Variants in NINJ1 observed in about 807,000 individuals in gnomAD.
The protein encoded by NINJ1 is ninjurin 1.
In NINJ1, 6 loss-of-function variants were observed where a neutral mutation model predicts 12.7. The observed-to-expected ratio is 0.47, with a 90% CI of 0.26 to 0.93. The LOEUF is 0.93. Ranked by LOEUF, NINJ1 falls within the 40% of genes least tolerant of loss-of-function variation. NINJ1 has a pLI of 0.15. For missense variants in NINJ1, 170 were observed against 213.0 expected (o/e 0.80, Z 1.26); for synonymous variants, 100 against 96.0 (o/e 1.04, Z -0.25).
intron 1 of NINJ1, among the ~76,000 whole-genome samples, chr9:93,128,384 T>C (rs1587665311): frequency 1.3e-5 from 2 of 152,290 alleles, no homozygotes; most frequent in Admixed American, 6.5e-5. Context: ...GATTGCAGCT[T>C]GGAGGAGGTT....
At chr9:93,130,973 T>C (rs1238719959) in intron 1 of NINJ1, among the ~76,000 whole-genome samples, 2 of 152,178 alleles carry the variant, frequency 1.3e-5, no homozygotes, top group Non-Finnish European at 2.9e-5. Flanking sequence ...TCAGCAGGCA[T>C]TGGCAGATGG....
Position 93,123,767 on chromosome 9 carries a change from C to T in NINJ1, c.*9+1132G>A, listed in dbSNP as rs558174464. Among the ~76,000 whole-genome samples, 43 of 152,298 alleles carry T rather than the reference C, an allele frequency of 2.8e-4. 1 individual carries two copies. The highest frequency in any genetic ancestry group is 1.1e-3 in the Admixed American group (17 of 15,306). On this transcript the variant is annotated intron_variant, in intron 3 of 3. Transcript: ENST00000375446. ...GAGGGGTGACCCCTAGGCCTAAGGT[C>T]GCGGGGACTGTGGTGTGTGGCCCTG...
intron 1 of NINJ1, 35 bp downstream of exon 1, chr9:93,134,108 G>T: frequency 6.6e-7 from 1 of 1,506,498 alleles, no homozygotes; most frequent in Non-Finnish European, 9.0e-7. Context: ...GACAGGGCCT[G>T]GCAAGATCAT....
At chr9:93,130,744 T>C (rs1827881894) in intron 1 of NINJ1, among the ~76,000 whole-genome samples, 1 of 152,160 alleles carries the variant, frequency 6.6e-6, no homozygotes, top group South Asian at 2.1e-4. Flanking sequence ...TGAAAGACTC[T>C]GCCTCCCCGA....
rs751829505 is a variant in NINJ1, at chr9:93,126,649, G to A, written c.76-11C>T. 4 of 1,587,566 alleles carry A rather than the reference G, an allele frequency of 2.5e-6. No homozygotes were observed. Among genetic ancestry groups the A allele is most frequent in the East Asian group, 4.5e-5 (2 of 44,342 alleles). ...GCCCCAGCGGGCCGGCTGCAGGGAGGGGAATGGTCAGCAAGGCGGGTGGGG... is the reference window on the plus strand; with the variant it reads ...GCCCCAGCGGGCCGGCTGCAGGGAGAGGAATGGTCAGCAAGGCGGGTGGGG... On this transcript the variant is annotated splice_polypyrimidine_tract_variant and intron_variant, in intron 1 of 3. Coordinates refer to ENST00000375446, the MANE Select transcript of NINJ1 (RefSeq NM_004148.4).
chr9:93,129,260 A>G (rs1212143367), intron 1 of NINJ1, among the ~76,000 whole-genome samples: 1 of 152,220 alleles, frequency 6.6e-6, no homozygotes, highest in East Asian at 1.9e-4. Context: ...AAGCTCTGGT[A>G]GCTGATGCCA....
chr9:93,126,238 G>A (rs571221490), intron 2 of NINJ1, 172 bp downstream of exon 2: 12 of 576,240 alleles, frequency 2.1e-5, no homozygotes, highest in South Asian at 8.6e-5. Flanking sequence ...AGTGCAGGGT[G>A]GGGGGAGGGG....
At chr9:93,126,229 G>A (rs938750108) in intron 2 of NINJ1, 181 bp downstream of exon 2, 79 of 574,134 alleles carry the variant, frequency 1.4e-4, no homozygotes, top group Non-Finnish European at 2.1e-4. Flanking sequence ...AAAAACCAAA[G>A]TGCAGGGTGG....
chr9:93,128,651 C>T lies in NINJ1; in HGVS notation c.76-2013G>A, dbSNP rs1054105256. ...ATGTGCTCCTAAGTTTCACAAACCT[C>T]AAGTGCCAAAGTGCCTTCCTTCAAG... On this transcript the variant is annotated intron_variant, in intron 1 of 3. Transcript: ENST00000375446. Among the ~76,000 whole-genome samples the T allele has an allele frequency of 7.2e-5, 11 of 152,354 alleles. No individual in the cohort carries two copies. In the East Asian group the frequency reaches 1.7e-3, roughly 24 times the overall value.
chr9:93,126,701 C>A, intron 1 of NINJ1, 63 bp from the exon 2 acceptor site: 1 of 1,386,604 alleles, frequency 7.2e-7, no homozygotes, highest in South Asian at 1.3e-5. Context: ...GTGCCTGAGT[C>A]GGGCTCTGGG....
chr9:93,130,855 C>G (rs1827883933), intron 1 of NINJ1, among the ~76,000 whole-genome samples: 1 of 152,216 alleles, frequency 6.6e-6, no homozygotes, highest in Admixed American at 6.5e-5. Flanking sequence ...CTGAGCAGGA[C>G]CCAGGGGGAC....
intron 3 of NINJ1, among the ~76,000 whole-genome samples, chr9:93,122,761 A>G (rs1432404281): frequency 6.6e-6 from 1 of 152,178 alleles, no homozygotes; most frequent in Non-Finnish European, 1.5e-5. Flanking sequence ...CAGGACACAC[A>G]GCAGCTTTGG....
At position 93,126,447 on chromosome 9, in the gene NINJ1, CA is replaced by C. The variant is rs1295788293; in HGVS notation, c.266del (p.Val89GlyfsTer43). 6.2e-7 allele frequency: 1 copy of C among 1,614,132 alleles called. No homozygotes were observed. Among genetic ancestry groups the C allele is most frequent in the African/African-American group, 1.3e-5 (1 of 75,038 alleles). On this transcript the variant is annotated frameshift_variant, in exon 2 of 4. Coordinates refer to ENST00000375446, the MANE Select transcript of NINJ1 (RefSeq NM_004148.4). LOFTEE classifies it high-confidence loss of function. ...PLVVLISISLVLQIGVGVLLI... is the reference protein window; with the variant it reads ...PLVVLISISLXLQIGVGVLLI... ...GCAGCACCCCCACGCCGATCTGCAG[CA>C]CAAGGGAGATGGAGATGAGGACCAC...
At chr9:93,125,320 G>A (rs142675884) in intron 2 of NINJ1, 8,323 of 327,626 alleles carry the variant, frequency 0.025, 156 homozygotes, top group Non-Finnish European at 0.037. Context: ...TTCCTTATAC[G>A]AATTGAAGCT....
intron 1 of NINJ1, 95 bp downstream of exon 1, chr9:93,134,048 G>T: frequency 3.1e-6 from 3 of 979,566 alleles, no homozygotes; most frequent in Non-Finnish European, 4.4e-6. Flanking sequence ...ACACTCTGCA[G>T]TGCGGACGCG....
At chr9:93,123,346 G>A (rs930003981) in intron 3 of NINJ1, among the ~76,000 whole-genome samples, 2 of 151,994 alleles carry the variant, frequency 1.3e-5, no homozygotes, top group South Asian at 2.1e-4. Flanking sequence ...GTGCAATGGC[G>A]TGATCTCAGT....
At chr9:93,125,595 G>A (rs1421535750) in intron 2 of NINJ1, 2 of 154,502 alleles carry the variant, frequency 1.3e-5, no homozygotes, top group African/African-American at 2.4e-5. Flanking sequence ...CACAGGCCAG[G>A]CCCTGACCCC....
intron 2 of NINJ1, 99 bp downstream of exon 2, chr9:93,126,311 G>C (rs1827808123): frequency 4.8e-6 from 5 of 1,038,106 alleles, no homozygotes; most frequent in Admixed American, 2.4e-5. Context: ...AGCTCCTTGA[G>C]AGCCAAGTGT....
At chr9:93,124,793 A>G in intron 3 of NINJ1, 106 bp downstream of exon 3, 1 of 1,232,238 alleles carries the variant, frequency 8.1e-7, no homozygotes, top group Non-Finnish European at 1.1e-6. Context: ...CCCATGGCCT[A>G]GGAAGGTGTC....
Sources: gnomAD v4.1 joint callset for allele counts (sites outside exome capture counted in the v4.1 genomes callset) on GRCh38, gnomAD v4.1.1 for gene constraint, MANE v1.5 for transcripts, NCBI Gene and HGNC (gene_info 2026-07-23, HGNC 2026-07-21) for gene names.